The following PLXNA4 variants were observed in gnomAD, a reference collection of about 807,000 sequenced individuals.
PLXNA4 encodes plexin-A4.
A neutral mutation model predicts 191.8 loss-of-function variants in PLXNA4; 44 were observed. That is an observed-to-expected ratio of 0.23 (90% CI 0.18 to 0.29). PLXNA4 has a LOEUF of 0.29. Ranked by LOEUF, PLXNA4 falls within the 10% of genes least tolerant of loss-of-function variation. PLXNA4 has a pLI of 1.00. For missense variants in PLXNA4, 1,800 were observed against 2,488.8 expected (o/e 0.72, Z 5.89); for synonymous variants, 1,082 against 1,009.5 (o/e 1.07, Z -1.36).
chr7:132,203,858 G>A (rs1236150878), intron 10 of PLXNA4, among the ~76,000 whole-genome samples: 1 of 152,174 alleles, frequency 6.6e-6, no homozygotes, highest in African/African-American at 2.4e-5. Flanking sequence ...TTAGATTGGG[G>A]AACTCTAATT....
intron 2 of PLXNA4, among the ~76,000 whole-genome samples, chr7:132,589,543 C>A (rs34662535): frequency 0.011 from 1,680 of 152,216 alleles, 13 homozygotes; most frequent in Middle Eastern, 0.037. Flanking sequence ...CTCAAATATA[C>A]CCTTGAGGAA....
intron 4 of PLXNA4, among the ~76,000 whole-genome samples, chr7:132,295,455 T>C (rs1038534709): frequency 5.3e-5 from 8 of 152,206 alleles, no homozygotes; most frequent in African/African-American, 1.4e-4. Flanking sequence ...GCTATGCCCT[T>C]AGCCTGCAGA....
intron 4 of PLXNA4, among the ~76,000 whole-genome samples, chr7:132,288,967 C>G (rs563488610): frequency 7.2e-5 from 11 of 152,326 alleles, no homozygotes; most frequent in African/African-American, 2.4e-4. Flanking sequence ...ATGACTCCTT[C>G]ATCACACAGG....
intron 24 of PLXNA4, among the ~76,000 whole-genome samples, chr7:132,160,715 C>T (rs995844591): frequency 2.6e-5 from 4 of 152,186 alleles, no homozygotes; most frequent in African/African-American, 7.2e-5. Context: ...CTCTCCTTCT[C>T]GGAACTTTCA....
intron 1 of PLXNA4, among the ~76,000 whole-genome samples, chr7:132,571,611 C>T (rs1801983517): frequency 6.6e-6 from 1 of 152,188 alleles, no homozygotes; most frequent in Non-Finnish European, 1.5e-5. Context: ...CCTTAGCAAC[C>T]TGGCGCCTTG....
At chr7:132,575,470 G>A (rs2116791454) in intron 1 of PLXNA4, among the ~76,000 whole-genome samples, 1 of 152,254 alleles carries the variant, frequency 6.6e-6, no homozygotes, top group East Asian at 1.9e-4. Flanking sequence ...TATCCCTCGT[G>A]CTTCCCCCTT....
chr7:132,207,552 G>A (rs1291819493), intron 10 of PLXNA4, among the ~76,000 whole-genome samples: 3 of 152,222 alleles, frequency 2.0e-5, no homozygotes, highest in Non-Finnish European at 2.9e-5. Context: ...CCTCCCACCA[G>A]CTCCTGGGGG....
intron 3 of PLXNA4, among the ~76,000 whole-genome samples, chr7:132,345,318 G>T (rs2116769528): frequency 6.6e-6 from 1 of 152,294 alleles, no homozygotes; most frequent in South Asian, 2.1e-4. Flanking sequence ...TTAACTCCAA[G>T]AAATCATCTG....
intron 3 of PLXNA4, among the ~76,000 whole-genome samples, chr7:132,355,835 CAGA>C (rs1345933857): frequency 6.6e-6 from 1 of 151,860 alleles, no homozygotes; most frequent in Non-Finnish European, 1.5e-5. Context: ...AAAGTGTTTC[CAGA>C]AGGAGGGAGT....
At chr7:132,426,506 G>A (rs1490691930) in intron 3 of PLXNA4, among the ~76,000 whole-genome samples, 1 of 152,204 alleles carries the variant, frequency 6.6e-6, no homozygotes, top group Non-Finnish European at 1.5e-5. Flanking sequence ...GGCAGCAGCA[G>A]GTGTTTGCAT....
chr7:132,474,638 G>A lies in PLXNA4; in HGVS notation c.1371+14654C>T, dbSNP rs111874510. ...AGCACATGTACACACACACACACAC[G>A]CGCGCGCACGCACACACACACAATT... On this transcript the variant is annotated intron_variant, in intron 3 of 31. Coordinates refer to ENST00000321063, the MANE Select transcript of PLXNA4 (RefSeq NM_020911.2). Among the ~76,000 whole-genome samples, 65 of 142,496 alleles carry A rather than the reference G, an allele frequency of 4.6e-4. No individual in the cohort carries two copies. The South Asian group carries it at 8.1e-3, about 18-fold the overall frequency. 93.5% of individuals were successfully genotyped at this position (142,496 alleles called of 152,430 possible).
intron 20 of PLXNA4, among the ~76,000 whole-genome samples, chr7:132,177,197 G>A (rs1796504613): frequency 1.3e-5 from 2 of 152,154 alleles, no homozygotes. Context: ...GTGCATGCAT[G>A]TGTGCATGTG....
chr7:132,566,287 C>T (rs976453391), intron 1 of PLXNA4, among the ~76,000 whole-genome samples: 1 of 151,706 alleles, frequency 6.6e-6, no homozygotes, highest in African/African-American at 2.4e-5. Context: ...CACACTCCCA[C>T]ACTCTCCCTC....
intron 3 of PLXNA4, among the ~76,000 whole-genome samples, chr7:132,320,257 G>A (rs888632667): frequency 1.3e-5 from 2 of 152,208 alleles, no homozygotes; most frequent in South Asian, 4.1e-4. Flanking sequence ...TCAAGGGGCC[G>A]GTAGGGCTGA....
At chr7:132,627,988 A>G (rs919314721) in intron 2 of PLXNA4, among the ~76,000 whole-genome samples, 6 of 152,200 alleles carry the variant, frequency 3.9e-5, no homozygotes, top group Non-Finnish European at 8.8e-5. Flanking sequence ...TCTTCAATGC[A>G]TTTAATATTT....
At chr7:132,574,605 G>A (rs1802138924) in intron 1 of PLXNA4, among the ~76,000 whole-genome samples, 1 of 152,152 alleles carries the variant, frequency 6.6e-6, no homozygotes, top group South Asian at 2.1e-4. Context: ...AGCAAATAAG[G>A]TTTCTTCCCC....
At chr7:132,337,999 G>T (rs1405059301) in intron 3 of PLXNA4, among the ~76,000 whole-genome samples, 1 of 151,652 alleles carries the variant, frequency 6.6e-6, no homozygotes, top group East Asian at 1.9e-4. Flanking sequence ...GGTGGGGAAG[G>T]CAGTTGCTGT....
At chr7:132,193,828 A>G (rs968788638) in intron 14 of PLXNA4, among the ~76,000 whole-genome samples, 2 of 152,160 alleles carry the variant, frequency 1.3e-5, no homozygotes, top group Admixed American at 6.5e-5. Context: ...AGCTAAAGCA[A>G]CTTACCTGAA....
chr7:132,160,021 GC>G (rs1795901223), intron 24 of PLXNA4, among the ~76,000 whole-genome samples: 1 of 152,128 alleles, frequency 6.6e-6, no homozygotes, highest in Admixed American at 6.5e-5. Flanking sequence ...CATACAGGAG[GC>G]AGTGTCTCAG....
Sources: allele counts gnomAD v4.1 joint callset (sites outside exome capture counted in the v4.1 genomes callset), GRCh38; gene constraint gnomAD v4.1.1; transcripts MANE v1.5; gene names NCBI Gene and HGNC (gene_info 2026-07-23, HGNC 2026-07-21).